SLC44A5: variants seen among roughly 807,000 people sequenced by gnomAD.
The protein encoded by SLC44A5 is choline transporter-like protein 5.
SLC44A5 carries 57 observed loss-of-function variants against 101.8 expected under a neutral mutation model. The ratio of observed to expected loss-of-function variants is 0.56; its 90% CI spans 0.45 to 0.70. The LOEUF is 0.70. Ranked by LOEUF, SLC44A5 falls within the 30% of genes least tolerant of loss-of-function variation. SLC44A5 has a pLI of 0.00. For missense variants in SLC44A5, 737 were observed against 853.1 expected (o/e 0.86, Z 1.70); for synonymous variants, 281 against 290.9 (o/e 0.97, Z 0.35).
At chr1:75,269,992 C>T (rs1557600789) in intron 6 of SLC44A5, among the ~76,000 whole-genome samples, 1 of 152,092 alleles carries the variant, frequency 6.6e-6, no homozygotes, top group Non-Finnish European at 1.5e-5. Flanking sequence ...AGGGGAAACC[C>T]CTTTCACTTG....
Position 75,238,620 on chromosome 1 carries a change from G to A in SLC44A5, c.549C>T (p.Phe183=). 2 of 1,571,514 alleles carry A rather than the reference G, an allele frequency of 1.3e-6. No individual in the cohort carries two copies. Among genetic ancestry groups the A allele is most frequent in the Non-Finnish European group, 1.7e-6 (2 of 1,153,326 alleles). The part of the protein sequence containing the change: ...FPSKPFLQRC[F]PDFSTKNGTL... ...TGCCATTTTTGGTAGAGAAGTCAGGGAAACATCTCTGGAGAACTGTAAAAA... is the reference window on the plus strand; with the variant it reads ...TGCCATTTTTGGTAGAGAAGTCAGGAAAACATCTCTGGAGAACTGTAAAAA... The change falls in exon 10 of 24, where the codon TTC becomes TTT. Residue 183 remains phenylalanine (F), a synonymous_variant. Transcript: ENST00000370859.
chr1:75,406,424 G>A (rs1461388409), intron 2 of SLC44A5, among the ~76,000 whole-genome samples: 1 of 152,032 alleles, frequency 6.6e-6, no homozygotes, highest in Non-Finnish European at 1.5e-5. Flanking sequence ...GAAAATTTCA[G>A]GCCAGTATCC....
chr1:75,238,086 C>G (rs191306296), intron 10 of SLC44A5, among the ~76,000 whole-genome samples: 1 of 151,768 alleles, frequency 6.6e-6, no homozygotes, highest in African/African-American at 2.4e-5. Context: ...TTATGTCACA[C>G]TTCTATACCT....
intron 2 of SLC44A5, among the ~76,000 whole-genome samples, chr1:75,403,217 G>A (rs924729845): frequency 1.3e-5 from 2 of 152,160 alleles, no homozygotes; most frequent in African/African-American, 4.8e-5. Flanking sequence ...TAGATAAAAT[G>A]CCCATCTCCC....
chr1:75,678,194 C>T, the SLC44A5 span, among the ~76,000 whole-genome samples: 2 of 152,264 alleles, frequency 1.3e-5, no homozygotes, highest in South Asian at 2.1e-4. Context: ...GAGGGGCGCC[C>T]ACCAATGCCC....
chr1:75,425,191 T>C (rs1039091766), intron 2 of SLC44A5, among the ~76,000 whole-genome samples: 1 of 152,250 alleles, frequency 6.6e-6, no homozygotes, highest in Non-Finnish European at 1.5e-5. Context: ...AGGAGCCAAG[T>C]ATTGTGCAAG....
At chr1:75,396,536 A>T (rs1461167085) in intron 3 of SLC44A5, 47 bp downstream of exon 3, 1 of 1,414,130 alleles carries the variant, frequency 7.1e-7, no homozygotes, top group South Asian at 1.2e-5. Context: ...CAATGGATAG[A>T]CTGTCATGAA....
chr1:75,400,514 C>A (rs1290025821), intron 2 of SLC44A5, among the ~76,000 whole-genome samples: 2 of 152,174 alleles, frequency 1.3e-5, no homozygotes, highest in Non-Finnish European at 2.9e-5. Context: ...TAAGTACGAC[C>A]TTTACTTCTA....
At chr1:75,412,564 T>C (rs540025693) in intron 2 of SLC44A5, among the ~76,000 whole-genome samples, 1 of 152,100 alleles carries the variant, frequency 6.6e-6, no homozygotes, top group African/African-American at 2.4e-5. Flanking sequence ...GAACAGGAGG[T>C]GTATTTCCAA....
intron 2 of SLC44A5, among the ~76,000 whole-genome samples, chr1:75,475,248 T>C (rs999933528): frequency 1.3e-5 from 2 of 152,352 alleles, no homozygotes; most frequent in East Asian, 1.9e-4. Flanking sequence ...CCAATATCAT[T>C]TGAGGAAACC....
chr1:75,615,820 G>T, upstream of SLC44A5: 1 of 978,856 alleles, frequency 1.0e-6, no homozygotes, highest in Non-Finnish European at 1.2e-6. Context: ...TGAGAGAGGG[G>T]AGGCGGCGAG....
chr1:75,648,891 A>G, the SLC44A5 span, among the ~76,000 whole-genome samples: 1 of 152,206 alleles, frequency 6.6e-6, no homozygotes, highest in Admixed American at 6.5e-5. Flanking sequence ...GGAATTATGG[A>G]TATTTTATAA....
intron 3 of SLC44A5, among the ~76,000 whole-genome samples, chr1:75,343,896 G>A (rs1175849415): frequency 6.6e-6 from 1 of 152,140 alleles, no homozygotes. Flanking sequence ...AAGGAATCAT[G>A]TTCTTAGCCA....
intron 4 of SLC44A5, among the ~76,000 whole-genome samples, chr1:75,320,295 A>G (rs901328963): frequency 3.4e-4 from 51 of 152,140 alleles, no homozygotes; most frequent in African/African-American, 1.0e-3. Flanking sequence ...CAATCAAAGA[A>G]ATTTATGAAA....
the SLC44A5 span, among the ~76,000 whole-genome samples, chr1:75,627,717 G>T: frequency 1.5e-3 from 231 of 151,394 alleles, 2 homozygotes; most frequent in African/African-American, 5.3e-3. Flanking sequence ...AGGGAAATTC[G>T]TATATAATAG....
intron 2 of SLC44A5, among the ~76,000 whole-genome samples, chr1:75,489,321 T>G (rs1171960437): frequency 6.6e-6 from 1 of 152,162 alleles, no homozygotes; most frequent in African/African-American, 2.4e-5. Context: ...TATTCAGAAT[T>G]TTTGCTCCTT....
At chr1:75,674,418 C>T in the SLC44A5 span, among the ~76,000 whole-genome samples, 10 of 151,794 alleles carry the variant, frequency 6.6e-5, no homozygotes, top group South Asian at 2.1e-3. Context: ...TTGCTCTTGT[C>T]GCCCAGGCTG....
At chr1:75,359,241 T>C (rs1222942618) in intron 3 of SLC44A5, among the ~76,000 whole-genome samples, 7 of 145,392 alleles carry the variant, frequency 4.8e-5, no homozygotes, top group Non-Finnish European at 9.1e-5. Flanking sequence ...TTTTTTTTTT[T>C]TTTTTTTTCT....
chr1:75,705,680 G>T, the SLC44A5 span, among the ~76,000 whole-genome samples: 1 of 151,840 alleles, frequency 6.6e-6, no homozygotes, highest in Non-Finnish European at 1.5e-5. Context: ...CTGTGTTTTT[G>T]TTTGTTTGTT....
Sources: gnomAD v4.1 joint callset for allele counts (sites outside exome capture counted in the v4.1 genomes callset) on GRCh38, gnomAD v4.1.1 for gene constraint, MANE v1.5 for transcripts, NCBI Gene and HGNC (gene_info 2026-07-23, HGNC 2026-07-21) for gene names.